ALS2: variants seen among roughly 807,000 people sequenced by gnomAD.
ALS2 encodes the protein alsin.
Under a neutral mutation model 203.4 loss-of-function variants are expected in ALS2, and 117 were observed. The ratio of observed to expected loss-of-function variants is 0.58; its 90% CI spans 0.50 to 0.67. ALS2 has a LOEUF of 0.67. ALS2 is among the 30% of genes least tolerant of loss of function. The pLI, the probability that ALS2 is intolerant of heterozygous loss-of-function variation, is 0.00. For missense variants in ALS2, 1,715 were observed against 1,989.4 expected, an observed-to-expected ratio of 0.86 and a Z score of 2.62; for synonymous variants, 718 against 725.9, an observed-to-expected ratio of 0.99 and a Z score of 0.17.
intron 26 of ALS2, 138 bp from the exon 27 acceptor site, chr2:201,710,176 T>G: frequency 2.2e-6 from 2 of 921,964 alleles, no homozygotes; most frequent in Non-Finnish European, 3.1e-6. Flanking sequence ...AATATTCAAA[T>G]ACTTTAATTT....
chr2:201,761,925 T>C, intron 3 of ALS2, 107 bp from the exon 4 acceptor site: 3 of 1,252,214 alleles, frequency 2.4e-6, no homozygotes, highest in Non-Finnish European at 3.3e-6. Flanking sequence ...AATTGGATTT[T>C]CTTTTTAAAT....
intron 4 of ALS2, chr2:201,760,448 C>A (rs1327366289): frequency 1.0e-6 from 1 of 992,204 alleles, no homozygotes; most frequent in Non-Finnish European, 1.2e-6. Context: ...GAAGGATCTG[C>A]CACAAAACAA....
intron 1 of ALS2, among the ~76,000 whole-genome samples, chr2:201,775,988 T>C (rs571532281): frequency 9.8e-5 from 15 of 152,328 alleles, no homozygotes; most frequent in African/African-American, 3.4e-4. Flanking sequence ...AAGTGAGTGC[T>C]TGAGTGAAAG....
chr2:201,730,619 G>C (rs113111647), intron 13 of ALS2, among the ~76,000 whole-genome samples: 116 of 151,266 alleles, frequency 7.7e-4, no homozygotes, highest in Non-Finnish European at 1.3e-3. Context: ...TCTGTCAATT[G>C]TCCTTTCAAG....
rs200747640 is a variant in ALS2 at position 201,749,689 on chromosome 2, T to G, written c.1815+23A>C. The stretch of plus-strand genomic sequence containing the variant: ...TACAGCTAAGAATTGTGGAATAAGT[T>G]GCTATCAAGTTCACAAAAGTACCTT... On this transcript the variant is annotated intron_variant, in intron 8 of 33. Transcript: ENST00000264276. 1.3e-5 allele frequency: 20 copies of G among 1,588,412 alleles called. No homozygotes were observed. The Middle Eastern group carries it at 5.0e-4, about 40-fold the overall frequency.
Position 201,764,026 on chromosome 2 carries a change from A to G in ALS2, c.176-2208T>C, listed in dbSNP as rs193114244. The stretch of plus-strand genomic sequence containing the variant: ...AAACTTTATCTTTGACCTATTATAC[A>G]TGGCAGATACATGTATACACTCAAG... On this transcript the variant is annotated intron_variant, in intron 3 of 33. Transcript: ENST00000264276. Among the ~76,000 whole-genome samples the G allele has an allele frequency of 1.9e-3, 288 of 152,274 alleles. 1 individual carries two copies. The highest frequency in any genetic ancestry group is 6.3e-3 in the African/African-American group (263 of 41,548).
intron 33 of ALS2, among the ~76,000 whole-genome samples, chr2:201,702,515 A>G (rs886085460): frequency 6.6e-6 from 1 of 152,186 alleles, no homozygotes; most frequent in Admixed American, 6.5e-5. Context: ...TTGCTTTCCA[A>G]AAGGGTAATG....
At chr2:201,702,653 G>C (rs1185766278) in intron 33 of ALS2, among the ~76,000 whole-genome samples, 1 of 152,072 alleles carries the variant, frequency 6.6e-6, no homozygotes, top group South Asian at 2.1e-4. Flanking sequence ...GCAGTACTAC[G>C]ATTTTCAGTG....
intron 13 of ALS2, 119 bp from the exon 14 acceptor site, chr2:201,729,302 C>T (rs1345210756): frequency 1.1e-5 from 13 of 1,186,582 alleles, no homozygotes; most frequent in African/African-American, 7.8e-5. Flanking sequence ...ATTCAGCCCA[C>T]GAGCATAAGT....
intron 1 of ALS2, among the ~76,000 whole-genome samples, chr2:201,780,344 T>C (rs1332564456): frequency 6.6e-6 from 1 of 152,206 alleles, no homozygotes; most frequent in Non-Finnish European, 1.5e-5. Context: ...CTACTAATTC[T>C]TATTATCAAA....
intron 4 of ALS2, 47 bp downstream of exon 4, chr2:201,760,834 C>T (rs765321779): frequency 6.4e-7 from 1 of 1,568,948 alleles, no homozygotes; most frequent in Non-Finnish European, 8.6e-7. Flanking sequence ...AAAGCCCATA[C>T]AGTTCAACTC....
chr2:201,759,816 C>T, intron 4 of ALS2: 1 of 985,092 alleles, frequency 1.0e-6, no homozygotes, highest in Middle Eastern at 5.2e-4. Flanking sequence ...AGAAACACTG[C>T]AGGACAGATC....
chr2:201,707,575 G>A (rs777503175), intron 28 of ALS2, among the ~76,000 whole-genome samples: 12 of 151,904 alleles, frequency 7.9e-5, no homozygotes, highest in Non-Finnish European at 1.0e-4. Flanking sequence ...ACCCGTAGGT[G>A]TGTGCCACCA....
chr2:201,739,901 T>G (rs981849420), intron 11 of ALS2, among the ~76,000 whole-genome samples: 2 of 152,180 alleles, frequency 1.3e-5, no homozygotes, highest in Non-Finnish European at 2.9e-5. Context: ...TTGTACACAC[T>G]TGGGCTGGCA....
chr2:201,704,272 CT>C, intron 32 of ALS2, 54 bp from the exon 33 acceptor site: 1 of 1,545,374 alleles, frequency 6.5e-7, no homozygotes. Flanking sequence ...GTCCATTCTC[CT>C]TTTGAATCTA....
intron 1 of ALS2, among the ~76,000 whole-genome samples, chr2:201,771,444 G>A (rs1694379432): frequency 6.6e-6 from 1 of 152,148 alleles, no homozygotes; most frequent in Non-Finnish European, 1.5e-5. Context: ...GGGCAATGAA[G>A]AAAACTGATT....
chr2:201,773,585 C>T (rs1413065991), intron 1 of ALS2, among the ~76,000 whole-genome samples: 1 of 152,126 alleles, frequency 6.6e-6, no homozygotes, highest in Non-Finnish European at 1.5e-5. Context: ...TTCAAGATGT[C>T]TGTGAGAAAC....
At chr2:201,722,906 C>T (rs1690899990) in intron 23 of ALS2, 137 bp downstream of exon 23, 4 of 682,360 alleles carry the variant, frequency 5.9e-6, no homozygotes, top group South Asian at 3.7e-5. Flanking sequence ...TTTGTACAGC[C>T]ATGTTGACCA....
chr2:201,708,732 C>G (rs1689871809), intron 27 of ALS2, among the ~76,000 whole-genome samples: 1 of 152,118 alleles, frequency 6.6e-6, no homozygotes. Context: ...TCTCTGACTT[C>G]TTGTATGCTA....
Sources: gnomAD v4.1 joint callset for allele counts (sites outside exome capture counted in the v4.1 genomes callset) on GRCh38, gnomAD v4.1.1 for gene constraint, MANE v1.5 for transcripts, NCBI Gene and HGNC (gene_info 2026-07-23, HGNC 2026-07-21) for gene names.